The following PLSCR2 variants were observed in gnomAD, a reference collection of about 807,000 sequenced individuals.
PLSCR2 encodes the protein phospholipid scramblase 2.
PLSCR2 carries 18 observed loss-of-function variants against 25.3 expected under a neutral mutation model. The observed-to-expected ratio is 0.71, with a 90% CI of 0.49 to 1.06. The LOEUF is 1.06. Among genes scored for constraint, PLSCR2 ranks in the 50% least tolerant of loss-of-function variants. The probability of loss-of-function intolerance (pLI) is 0.00; values close to 1 mark genes in which losing one functional copy is unlikely to be tolerated. For missense variants in PLSCR2, 243 were observed against 269.5 expected, an observed-to-expected ratio of 0.90 and a Z score of 0.69; for synonymous variants, 88 against 87.3, an observed-to-expected ratio of 1.01 and a Z score of -0.04.
At chr3:146,477,051 T>A (rs512845) in intron 1 of PLSCR2, among the ~76,000 whole-genome samples, 1 of 152,070 alleles carries the variant, frequency 6.6e-6, no homozygotes, top group Admixed American at 6.5e-5. Context: ...GCCTCCCAGC[T>A]GGGTGAGAAC....
intron 4 of PLSCR2, 60 bp downstream of exon 4, chr3:146,455,178 TA>T: frequency 1.8e-6 from 2 of 1,087,066 alleles, no homozygotes; most frequent in Non-Finnish European, 2.8e-6. Context: ...ACAGATTCAA[TA>T]AAAGGGTGGA....
intron 2 of PLSCR2, 128 bp from the exon 3 acceptor site, chr3:146,458,581 G>T: frequency 1.7e-6 from 1 of 589,678 alleles, no homozygotes; most frequent in South Asian, 5.0e-5. Context: ...ATTTTAATAA[G>T]TTTGCTACCT....
intron 2 of PLSCR2, among the ~76,000 whole-genome samples, chr3:146,411,478 G>C (rs1321601973): frequency 6.6e-6 from 1 of 152,202 alleles, no homozygotes; most frequent in Admixed American, 6.5e-5. Context: ...TCCGGAAGAC[G>C]GTCACTCTTC....
intron 3 of PLSCR2, among the ~76,000 whole-genome samples, chr3:146,456,498 T>C (rs2041228575): frequency 6.6e-6 from 1 of 152,236 alleles, no homozygotes; most frequent in South Asian, 2.1e-4. Context: ...GATTCCTCTG[T>C]GGTCATCTAT....
chr3:146,461,825 G>T, upstream of PLSCR2: 2 of 885,504 alleles, frequency 2.3e-6, no homozygotes, highest in Non-Finnish European at 3.6e-6. Flanking sequence ...AGGTGTCATT[G>T]ATAATTACTG....
At chr3:146,434,461 AG>A (rs2039703117) in intron 8 of PLSCR2, among the ~76,000 whole-genome samples, 2 of 152,146 alleles carry the variant, frequency 1.3e-5, no homozygotes, top group South Asian at 4.1e-4. Flanking sequence ...AATTGTTTGA[AG>A]AAACCATGAC....
At chr3:146,464,687 TCTAA>T (rs2041781217), upstream of PLSCR2, among the ~76,000 whole-genome samples, 2 of 152,332 alleles carry the variant, frequency 1.3e-5, no homozygotes, top group South Asian at 4.1e-4. Flanking sequence ...CACACTTCTT[TCTAA>T]CTCTCTGTTA....
intron 2 of PLSCR2, among the ~76,000 whole-genome samples, chr3:146,408,698 G>A (rs778329838): frequency 2.6e-5 from 4 of 152,002 alleles, no homozygotes; most frequent in Admixed American, 2.6e-4. Context: ...GGTCAAAAGG[G>A]GTGTAAATCC....
intron 2 of PLSCR2, among the ~76,000 whole-genome samples, chr3:146,416,149 A>C (rs1263023559): frequency 6.6e-6 from 1 of 151,730 alleles, no homozygotes; most frequent in Non-Finnish European, 1.5e-5. Flanking sequence ...ACGGGGTTTC[A>C]CCGTGTTAGC....
intron 2 of PLSCR2, among the ~76,000 whole-genome samples, chr3:146,423,283 C>CTCTCTCTCTCTCTCTCTCTCT (rs2039223901): frequency 1.3e-5 from 1 of 75,560 alleles, no homozygotes; most frequent in Non-Finnish European, 3.0e-5. Flanking sequence ...CTCTCTCTCT[C>CTCTCTCTCTCTCTCTCTCTCT]CCTGGCTAGA....
At chr3:146,438,272 T>C (rs1421264047), downstream of PLSCR2, among the ~76,000 whole-genome samples, 1 of 152,208 alleles carries the variant, frequency 6.6e-6, no homozygotes, top group Non-Finnish European at 1.5e-5. Context: ...TGGAGAGTTC[T>C]GTAGATGTCT....
chr3:146,437,320 T>A (rs1215444285), downstream of PLSCR2, among the ~76,000 whole-genome samples: 1 of 152,196 alleles, frequency 6.6e-6, no homozygotes, highest in Non-Finnish European at 1.5e-5. Context: ...TCCCTCTTTT[T>A]CTATTGATTG....
chr3:146,432,603 A>G (rs138304354), downstream of PLSCR2, among the ~76,000 whole-genome samples: 77 of 152,288 alleles, frequency 5.1e-4, no homozygotes, highest in African/African-American at 1.7e-3. Flanking sequence ...GTATGGCAAA[A>G]AGGAGGGCAA....
At chr3:146,480,764 G>A (rs1383731059) in intron 1 of PLSCR2, among the ~76,000 whole-genome samples, 1 of 152,062 alleles carries the variant, frequency 6.6e-6, no homozygotes, top group African/African-American at 2.4e-5. Context: ...ACCAAAGCTT[G>A]GCAGAGACAC....
intron 4 of PLSCR2, among the ~76,000 whole-genome samples, chr3:146,454,958 A>T (rs1156426036): frequency 6.6e-6 from 1 of 152,146 alleles, no homozygotes; most frequent in Non-Finnish European, 1.5e-5. Flanking sequence ...TCTCTAAAAA[A>T]TGATTTGAAA....
chr3:146,485,337 A>G (rs1374315975), intron 1 of PLSCR2, among the ~76,000 whole-genome samples: 1 of 152,132 alleles, frequency 6.6e-6, no homozygotes, highest in African/African-American at 2.4e-5. Context: ...TTAGACTCCC[A>G]CATAATAATA....
intron 8 of PLSCR2, among the ~76,000 whole-genome samples, chr3:146,436,286 G>A (rs1010189338): frequency 1.3e-5 from 2 of 152,282 alleles, no homozygotes; most frequent in Middle Eastern, 3.4e-3. Flanking sequence ...GAACTTTAAA[G>A]TAGTTTTTTC....
upstream of PLSCR2, among the ~76,000 whole-genome samples, chr3:146,461,529 G>C (rs1325233787): frequency 6.6e-6 from 1 of 152,062 alleles, no homozygotes; most frequent in Non-Finnish European, 1.5e-5. Flanking sequence ...TGGTATGATG[G>C]GGAAAACATG....
intron 1 of PLSCR2, among the ~76,000 whole-genome samples, chr3:146,484,532 G>A (rs141458592): frequency 1.0e-3 from 157 of 152,208 alleles, no homozygotes; most frequent in African/African-American, 3.6e-3. Flanking sequence ...GTTAAGGGCA[G>A]CCAGAGAGAA....
Sources: allele counts gnomAD v4.1 joint callset (sites outside exome capture counted in the v4.1 genomes callset), GRCh38; gene constraint gnomAD v4.1.1; transcripts MANE v1.5; gene names NCBI Gene and HGNC (gene_info 2026-07-23, HGNC 2026-07-21).